SPON1: variants seen among roughly 807,000 people sequenced by gnomAD.
SPON1 encodes spondin 1.
Under a neutral mutation model 111.7 loss-of-function variants are expected in SPON1, and 52 were observed. The observed-to-expected ratio is 0.47, with a 90% CI of 0.37 to 0.59. The LOEUF is 0.59. SPON1 is among the 20% of genes least tolerant of loss of function. SPON1 has a pLI of 0.00. For missense variants in SPON1, 957 were observed against 1,068.5 expected (o/e 0.90, Z 1.46); for synonymous variants, 410 against 395.8 (o/e 1.04, Z -0.43).
At chr11:14,242,973 T>G (rs1848945447) in intron 6 of SPON1, among the ~76,000 whole-genome samples, 1 of 152,242 alleles carries the variant, frequency 6.6e-6, no homozygotes, top group Admixed American at 6.5e-5. Context: ...ACTCAGTTGC[T>G]GGACACAGAG....
chr11:14,001,116 A>AC (rs1286647622), intron 2 of SPON1, among the ~76,000 whole-genome samples: 3 of 152,042 alleles, frequency 2.0e-5, no homozygotes, highest in Admixed American at 6.6e-5. Context: ...TTCCTCCTCC[A>AC]CCCCCCAAGA....
intron 1 of SPON1, among the ~76,000 whole-genome samples, chr11:13,972,275 C>T (rs1848069359): frequency 6.6e-6 from 1 of 152,208 alleles, no homozygotes; most frequent in South Asian, 2.1e-4. Flanking sequence ...TCTGGAATCA[C>T]ACTGAGCTTG....
rs1488586875 is a variant in SPON1, at chr11:14,160,931, ATT to A, written c.825+25365_825+25366del. Among the ~76,000 whole-genome samples the A allele has an allele frequency of 3.6e-3, 156 of 43,368 alleles. 4 individuals carry two copies. Among genetic ancestry groups the A allele is most frequent in the Non-Finnish European group, 3.9e-3 (97 of 24,774 alleles). 28.5% of individuals were successfully genotyped at this position (43,368 alleles called of 152,430 possible). A position where few individuals can be genotyped will look rare whatever the true frequency, so the allele number is the denominator to read the frequency against. ...TATATATATATTTATATATTTATAT[ATT>A]TATATATATATTTATATATTTATAT... is the stretch of plus-strand genomic sequence containing the variant. On this transcript the variant is annotated intron_variant, in intron 6 of 15. Coordinates refer to ENST00000576479, the MANE Select transcript of SPON1 (RefSeq NM_006108.4).
intron 6 of SPON1, among the ~76,000 whole-genome samples, chr11:14,188,639 A>G (rs1848311888): frequency 6.6e-6 from 1 of 152,112 alleles, no homozygotes; most frequent in African/African-American, 2.4e-5. Flanking sequence ...CTTGGTTCAT[A>G]TTCTTGAAAC....
intron 6 of SPON1, among the ~76,000 whole-genome samples, chr11:14,180,975 T>C (rs1224182387): frequency 1.3e-5 from 2 of 152,204 alleles, no homozygotes; most frequent in South Asian, 2.1e-4. Context: ...CTTCAGTTTG[T>C]TCACTACCCC....
rs112252745 is a variant in SPON1, at chr11:13,995,038, C to T, written c.345+12085C>T. ...TTCATAGTACCCAGTTCTTTTTCTT[C>T]AGAGTAGTTATTGAAATTTATAATT... On this transcript the variant is annotated intron_variant, in intron 2 of 15. Transcript: ENST00000576479. Among the ~76,000 whole-genome samples the T allele has an allele frequency of 1.4e-3, 207 of 152,246 alleles. 2 individuals carry two copies. The highest frequency in any genetic ancestry group is 2.3e-3 in the Admixed American group (35 of 15,298).
chr11:14,187,939 G>A (rs577596441), intron 6 of SPON1, among the ~76,000 whole-genome samples: 4 of 152,190 alleles, frequency 2.6e-5, no homozygotes, highest in East Asian at 1.9e-4. Context: ...GTGCCACCAC[G>A]CCTGGCTAAT....
chr11:14,153,646 C>T (rs903757009), intron 6 of SPON1, among the ~76,000 whole-genome samples: 5 of 152,138 alleles, frequency 3.3e-5, no homozygotes, highest in Admixed American at 6.5e-5. Context: ...CTGGCCCCTT[C>T]GAAATCTCAT....
chr11:14,108,865 G>A (rs1554925152), intron 5 of SPON1, among the ~76,000 whole-genome samples: 1 of 151,096 alleles, frequency 6.6e-6, no homozygotes, highest in African/African-American at 2.4e-5. Flanking sequence ...TCCCCTCTTT[G>A]CCTACCACCC....
intron 5 of SPON1, among the ~76,000 whole-genome samples, chr11:14,091,519 T>C (rs1429656955): frequency 6.6e-6 from 1 of 152,102 alleles, no homozygotes; most frequent in African/African-American, 2.4e-5. Context: ...GCAGCACCGG[T>C]GGGCCGGCAC....
intron 4 of SPON1, among the ~76,000 whole-genome samples, chr11:14,078,057 G>T (rs1848932356): frequency 6.6e-6 from 1 of 152,138 alleles, no homozygotes; most frequent in Non-Finnish European, 1.5e-5. Context: ...TGCCTGCTGT[G>T]GTTAGAAGAG....
At chr11:14,126,129 G>A (rs1047409019) in intron 5 of SPON1, among the ~76,000 whole-genome samples, 2 of 152,112 alleles carry the variant, frequency 1.3e-5, no homozygotes, top group Admixed American at 1.3e-4. Flanking sequence ...CCCACAATAG[G>A]GAGAGCAGTC....
chr11:14,157,561 T>C (rs1847863435), intron 6 of SPON1, among the ~76,000 whole-genome samples: 1 of 152,208 alleles, frequency 6.6e-6, no homozygotes, highest in South Asian at 2.1e-4. Context: ...CATGCATCCA[T>C]GTCTTGGTAT....
intron 6 of SPON1, among the ~76,000 whole-genome samples, chr11:14,241,075 G>GCA (rs10687722): frequency 0.75 from 112,911 of 150,572 alleles, 42,435 homozygotes; most frequent in Non-Finnish European, 0.77. Flanking sequence ...TATAATGCCT[G>GCA]CACACACACA....
chr11:14,053,346 G>A (rs1342446697), intron 3 of SPON1, among the ~76,000 whole-genome samples: 4 of 151,778 alleles, frequency 2.6e-5, no homozygotes, highest in Admixed American at 6.6e-5. Context: ...TCTACATTCC[G>A]GCTCTATGGA....
intron 2 of SPON1, among the ~76,000 whole-genome samples, chr11:13,993,455 A>T (rs1591343659): frequency 6.6e-6 from 1 of 152,142 alleles, no homozygotes; most frequent in East Asian, 1.9e-4. Flanking sequence ...AAATTATATT[A>T]CCAAAAACTG....
rs77607559 is a variant in SPON1, at chr11:14,248,535, C to T, written c.890+5139C>T. Among the ~76,000 whole-genome samples, 833 of 152,232 alleles carry T rather than the reference C, an allele frequency of 5.5e-3. 4 individuals are homozygous for T. The highest frequency in any genetic ancestry group is 0.014 in the Middle Eastern group (4 of 294). On this transcript the variant is annotated intron_variant, in intron 7 of 15. Coordinates refer to ENST00000576479, the MANE Select transcript of SPON1 (RefSeq NM_006108.4). ...CCCAAACACCCAAAACCTCTGCACT[C>T]GGCGCTACTGGCTTGTTAAGGGAAA... is the stretch of plus-strand genomic sequence containing the variant.
At chr11:14,120,409 C>G (rs909844471) in intron 5 of SPON1, among the ~76,000 whole-genome samples, 1 of 151,804 alleles carries the variant, frequency 6.6e-6, no homozygotes, top group Non-Finnish European at 1.5e-5. Flanking sequence ...GTTGCTTTAG[C>G]CCTCACTGCC....
chr11:14,037,966 G>T (rs1467815556), intron 2 of SPON1, among the ~76,000 whole-genome samples: 8 of 147,160 alleles, frequency 5.4e-5, no homozygotes, highest in Admixed American at 4.7e-4. Flanking sequence ...AGGAGTTCGA[G>T]ACCAGCCTGG....
Sources: allele counts gnomAD v4.1 joint callset (sites outside exome capture counted in the v4.1 genomes callset), GRCh38; gene constraint gnomAD v4.1.1; transcripts MANE v1.5; gene names NCBI Gene and HGNC (gene_info 2026-07-23, HGNC 2026-07-21).